The following RMND1 variants were observed in gnomAD, a reference collection of about 807,000 sequenced individuals.
RMND1 encodes required for meiotic nuclear division 1 homolog.
In RMND1, 41 loss-of-function variants were observed where a neutral mutation model predicts 54.0. The ratio of observed to expected loss-of-function variants is 0.76; its 90% CI spans 0.59 to 0.98. RMND1 has a LOEUF of 0.98. Ranked by LOEUF, RMND1 falls within the 50% of genes least tolerant of loss-of-function variation. The pLI, the probability that RMND1 is intolerant of heterozygous loss-of-function variation, is 0.00. For synonymous variants in RMND1, 183 were observed against 181.7 expected (o/e 1.01, Z -0.06); for missense variants, 457 against 532.0 (o/e 0.86, Z 1.39).
Position 151,425,650 on chromosome 6 carries a change from T to C in RMND1, c.830+1832A>G, listed in dbSNP as rs150810658. The stretch of plus-strand genomic sequence containing the variant: ...CTACAGGCTGCTCATTTGCTGTCTC[T>C]CTCAGGTTTATATCCTTACCTCTGA... On this transcript the variant is annotated intron_variant, in intron 6 of 11. Transcript: ENST00000444024. Among the ~76,000 whole-genome samples the C allele has an allele frequency of 3.3e-5, 5 of 152,322 alleles. No homozygotes were observed. The East Asian group carries it at 5.8e-4, about 18-fold the overall frequency.
At chr6:151,436,126 ACAC>A in intron 3 of RMND1, 2 of 197,014 alleles carry the variant, frequency 1.0e-5, no homozygotes, top group Non-Finnish European at 2.1e-5. Flanking sequence ...AAAAAAAAAA[ACAC>A]AAAACACACA....
intron 2 of RMND1, chr6:151,444,405 A>G (rs1460125403): frequency 6.6e-6 from 1 of 152,222 alleles, no homozygotes; most frequent in African/African-American, 2.4e-5. Flanking sequence ...ATCCAACACA[A>G]AAACCATTCA....
intron 3 of RMND1, among the ~76,000 whole-genome samples, chr6:151,434,413 T>TC (rs1780540144): frequency 6.6e-6 from 1 of 151,920 alleles, no homozygotes; most frequent in African/African-American, 2.4e-5. Flanking sequence ...ACTGTGATTT[T>TC]TTTTTTTTTT....
In RMND1 at chr6:151,422,607, T is replaced by A. The variant is rs1156436976; in HGVS notation, c.938-2A>T. 6.8e-7 allele frequency: 1 copy of A among 1,475,856 alleles called. No homozygotes were observed. The highest frequency in any genetic ancestry group is 9.2e-7 in the Non-Finnish European group (1 of 1,085,532). 91.4% of individuals were successfully genotyped at this position (1,475,856 alleles called of 1,614,324 possible). A position where few individuals can be genotyped will look rare whatever the true frequency, so the allele number is the denominator to read the frequency against. On this transcript the variant is annotated splice_acceptor_variant, in intron 7 of 11. Coordinates refer to ENST00000444024, the MANE Select transcript of RMND1 (RefSeq NM_017909.4). LOFTEE classifies it high-confidence loss of function. ...ATGCTTCCCAAATTGCCAGTTTTAC[T>A]GGGAAAAAAATTAATAATGGAACAT... is the stretch of plus-strand genomic sequence containing the variant.
chr6:151,450,485 G>A (rs1247743394), intron 1 of RMND1, among the ~76,000 whole-genome samples: 2 of 100,274 alleles, frequency 2.0e-5, no homozygotes, highest in African/African-American at 7.9e-5. Flanking sequence ...GGAAGGTGGG[G>A]TGTCAGCCCC....
At chr6:151,411,564 A>G (rs1364718972) in intron 10 of RMND1, 1 of 152,200 alleles carries the variant, frequency 6.6e-6, no homozygotes, top group East Asian at 1.9e-4. Flanking sequence ...GATCTCAGCC[A>G]TGAAACAGCT....
intron 10 of RMND1, among the ~76,000 whole-genome samples, chr6:151,407,020 G>A (rs1291630274): frequency 6.6e-6 from 1 of 152,086 alleles, no homozygotes; most frequent in Non-Finnish European, 1.5e-5. Context: ...AGGCATGGTG[G>A]TGTGTGCCTG....
At chr6:151,450,676 C>T (rs1293489406) in intron 1 of RMND1, among the ~76,000 whole-genome samples, 1 of 151,402 alleles carries the variant, frequency 6.6e-6, no homozygotes, top group African/African-American at 2.4e-5. Flanking sequence ...CCCCTCTGCC[C>T]GGCCACCACC....
chr6:151,423,477 G>T, intron 7 of RMND1, 48 bp downstream of exon 7: 1 of 1,184,878 alleles, frequency 8.4e-7, no homozygotes, highest in Non-Finnish European at 1.2e-6. Flanking sequence ...ACTTCCCTCA[G>T]TGAAATGACA....
intron 5 of RMND1, among the ~76,000 whole-genome samples, chr6:151,428,825 C>T (rs1433032508): frequency 1.3e-5 from 2 of 152,146 alleles, no homozygotes; most frequent in African/African-American, 4.8e-5. Flanking sequence ...TGAGTTACCA[C>T]ACCTGGCCCA....
chr6:151,418,222 T>TG (rs1749245605), intron 9 of RMND1, among the ~76,000 whole-genome samples: 1 of 152,118 alleles, frequency 6.6e-6, no homozygotes, highest in Non-Finnish European at 1.5e-5. Context: ...AAGACCAACC[T>TG]GGACAGCACA....
In RMND1 at chr6:151,436,112, CA is replaced by C. The variant is rs67339992; in HGVS notation, c.613+333del. ...AAGAGTGAAACTCCATCCCAAAAAA[CA>C]AAAAAAAAAAAAACACAAAACACAC... On this transcript the variant is annotated intron_variant, in intron 3 of 11. Coordinates refer to ENST00000444024, the MANE Select transcript of RMND1 (RefSeq NM_017909.4). The C allele has an allele frequency of 0.21, 36,554 of 173,364 alleles. 3,669 individuals are homozygous for C. The highest frequency in any genetic ancestry group is 0.39 in the East Asian group (2,503 of 6,412). 10.7% of individuals were successfully genotyped at this position (173,364 alleles called of 1,614,324 possible). A position where few individuals can be genotyped will look rare whatever the true frequency, so the allele number is the denominator to read the frequency against.
intron 2 of RMND1, among the ~76,000 whole-genome samples, chr6:151,442,816 A>T (rs1780822489): frequency 6.6e-6 from 1 of 151,720 alleles, no homozygotes; most frequent in African/African-American, 2.4e-5. Flanking sequence ...CTGAAATTAT[A>T]GGCATAAGCC....
At chr6:151,417,214 TAAAC>T in intron 10 of RMND1, 61 bp downstream of exon 10, 1 of 1,513,514 alleles carries the variant, frequency 6.6e-7, no homozygotes, top group Non-Finnish European at 8.9e-7. Context: ...TGCAAGCAGT[TAAAC>T]ATATTCAACT....
intron 1 of RMND1, among the ~76,000 whole-genome samples, chr6:151,450,053 C>T (rs1159930077): frequency 6.6e-6 from 1 of 152,128 alleles, no homozygotes; most frequent in Non-Finnish European, 1.5e-5. Context: ...GAGATTGCAG[C>T]CTCTGCCTGG....
At chr6:151,418,694 T>G (rs1330706315) in intron 9 of RMND1, 2 of 152,222 alleles carry the variant, frequency 1.3e-5, no homozygotes, top group African/African-American at 4.8e-5. Flanking sequence ...TTCCAGTGTT[T>G]ATGCAAACAC....
At position 151,405,079 on chromosome 6, in the gene RMND1, G is replaced by A. The variant is rs368985124; in HGVS notation, c.*156C>T. 12 of 596,394 alleles carry A rather than the reference G, an allele frequency of 2.0e-5. No individual in the cohort carries two copies. The highest frequency in any genetic ancestry group is 1.9e-4 in the East Asian group (6 of 31,614). The allele number at this position is 596,394 out of a possible 1,614,324, so 36.9% of individuals were successfully genotyped here. A position where few individuals can be genotyped will look rare whatever the true frequency, so the allele number is the denominator to read the frequency against. ...AGATGGGGTTTCACCATGTTGGCCA[G>A]GCTTGTCTTGAGCTCCTGATCTCAT... On this transcript the variant is annotated 3_prime_UTR_variant, in exon 12 of 12. Coordinates refer to ENST00000444024, the MANE Select transcript of RMND1 (RefSeq NM_017909.4).
chr6:151,412,307 T>C (rs1367642837), intron 10 of RMND1, among the ~76,000 whole-genome samples: 2 of 150,204 alleles, frequency 1.3e-5, no homozygotes, highest in Non-Finnish European at 3.0e-5. Flanking sequence ...TGGCCATAAC[T>C]TGCTTTTTAA....
chr6:151,410,271 G>T (rs112857019), intron 10 of RMND1, among the ~76,000 whole-genome samples: 4 of 152,024 alleles, frequency 2.6e-5, no homozygotes, highest in Non-Finnish European at 4.4e-5. Context: ...TAGCCAGGAT[G>T]GTCTGGATCT....
Sources: gnomAD v4.1 joint callset for allele counts (sites outside exome capture counted in the v4.1 genomes callset) on GRCh38, gnomAD v4.1.1 for gene constraint, MANE v1.5 for transcripts, NCBI Gene and HGNC (gene_info 2026-07-23, HGNC 2026-07-21) for gene names.